The following EPHA5 variants were observed in gnomAD, a reference collection of about 807,000 sequenced individuals.
EPHA5 encodes the protein ephrin type-A receptor 5.
Under a neutral mutation model 105.0 loss-of-function variants are expected in EPHA5, and 60 were observed. That is an observed-to-expected ratio of 0.57 (90% CI 0.46 to 0.71). The LOEUF is 0.71. EPHA5 is among the 30% of genes least tolerant of loss of function. The pLI is 0.00. For synonymous variants in EPHA5, 513 were observed against 449.1 expected (o/e 1.14, Z -1.80); for missense variants, 1,218 against 1,274.7 (o/e 0.96, Z 0.68).
intron 1 of EPHA5, among the ~76,000 whole-genome samples, chr4:65,662,999 T>G (rs1181478916): frequency 6.6e-6 from 1 of 152,152 alleles, no homozygotes; most frequent in South Asian, 2.1e-4. Context: ...GTTCTACTTT[T>G]GTTTGACAAA....
rs564996403 is a variant in EPHA5 at position 65,470,655 on chromosome 4, G to A, written c.1402+19722C>T. On this transcript the variant is annotated intron_variant, in intron 5 of 16. Transcript: ENST00000613740. ...AAAGTAATGGTAAGGCAGAAATAAT[G>A]ATGAAGCAAGATAAGATAATGAAAA... 5.3e-5 allele frequency among the ~76,000 whole-genome samples: 8 copies of A among 152,304 alleles called. No individual in the cohort carries two copies. In the East Asian group the frequency reaches 1.5e-3, roughly 29 times the overall value.
At chr4:65,414,686 G>A (rs1168966538) in intron 6 of EPHA5, among the ~76,000 whole-genome samples, 1 of 152,058 alleles carries the variant, frequency 6.6e-6, no homozygotes, top group Non-Finnish European at 1.5e-5. Context: ...ACATGTCTTC[G>A]GCAGTAATAA....
chr4:65,510,211 T>G (rs1202095024), intron 3 of EPHA5, among the ~76,000 whole-genome samples: 7 of 150,148 alleles, frequency 4.7e-5, no homozygotes, highest in African/African-American at 1.7e-4. Flanking sequence ...ATTTTGTGTT[T>G]TTTTTTTTTT....
chr4:65,331,222 A>C, intron 16 of EPHA5: 1 of 1,029,328 alleles, frequency 9.7e-7, no homozygotes. Flanking sequence ...AGATGGAACC[A>C]CCATAAAGAC....
At chr4:65,651,039 CA>C (rs1748564615) in intron 1 of EPHA5, among the ~76,000 whole-genome samples, 2 of 152,204 alleles carry the variant, frequency 1.3e-5, no homozygotes, top group South Asian at 4.1e-4. Flanking sequence ...CAGTTCTCTC[CA>C]GTGATCTGTG....
chr4:65,521,138 A>G (rs997393682), intron 3 of EPHA5, among the ~76,000 whole-genome samples: 4 of 152,186 alleles, frequency 2.6e-5, no homozygotes, highest in South Asian at 2.1e-4. Context: ...ATGTCCATCA[A>G]TGATAGGCTG....
intron 3 of EPHA5, among the ~76,000 whole-genome samples, chr4:65,560,328 G>A (rs2149355981): frequency 6.6e-6 from 1 of 152,096 alleles, no homozygotes; most frequent in Non-Finnish European, 1.5e-5. Context: ...ATTTAGTATT[G>A]TAATTTTCTG....
intron 11 of EPHA5, among the ~76,000 whole-genome samples, chr4:65,356,774 A>G (rs1032984139): frequency 1.3e-4 from 19 of 151,538 alleles, no homozygotes; most frequent in African/African-American, 4.6e-4. Flanking sequence ...AGTCATTTTA[A>G]TGCTAATTAC....
chr4:65,609,928 T>C (rs950387417), intron 2 of EPHA5, among the ~76,000 whole-genome samples: 1 of 152,118 alleles, frequency 6.6e-6, no homozygotes, highest in Non-Finnish European at 1.5e-5. Flanking sequence ...TTATTGCTAT[T>C]CTACTTTTAA....
chr4:65,445,581 G>A (rs1726441168), intron 5 of EPHA5, among the ~76,000 whole-genome samples: 1 of 152,022 alleles, frequency 6.6e-6, no homozygotes, highest in Admixed American at 6.6e-5. Context: ...TAATATCTGT[G>A]TACTCCAGCC....
At chr4:65,427,784 T>C (rs1156685763) in intron 5 of EPHA5, among the ~76,000 whole-genome samples, 1 of 152,188 alleles carries the variant, frequency 6.6e-6, no homozygotes, top group African/African-American at 2.4e-5. Context: ...GTATTGGCAT[T>C]AGCATAGTGA....
At position 65,377,022 on chromosome 4, in the gene EPHA5, G is replaced by A. The variant is rs761781339; in HGVS notation, c.1794-9598C>T. 3.1e-6 allele frequency: 5 copies of A among 1,609,274 alleles called. No individual in the cohort carries two copies. The Admixed American group carries it at 8.4e-5, about 27-fold the overall frequency. ...CCATATTAGGCTTGGATGGGCAACA[G>A]CGCACAGGGAAGAAGCCCTCCCACA... On this transcript the variant is annotated intron_variant, in intron 8 of 16. Coordinates refer to ENST00000613740, the MANE Select transcript of EPHA5 (RefSeq NM_001281766.3).
Position 65,573,854 on chromosome 4 carries a change from A to T in EPHA5, c.910+27787T>A, listed in dbSNP as rs529047479. On this transcript the variant is annotated intron_variant, in intron 3 of 16. Transcript: ENST00000613740. ...AGCTGTTGAGCCACGGCAAAAAAAA[A>T]CCCTTCAGTCAGCACGTGAGAAAAC... 1.2e-5 allele frequency: 19 copies of T among 1,612,884 alleles called. No homozygotes were observed. The African/African-American group carries it at 2.5e-4, about 22-fold the overall frequency.
chr4:65,569,478 A>T (rs1267337042), intron 3 of EPHA5, among the ~76,000 whole-genome samples: 1 of 151,728 alleles, frequency 6.6e-6, no homozygotes, highest in Admixed American at 6.6e-5. Context: ...TAATTAAAAT[A>T]ATGTTTTATT....
At chr4:65,574,377 A>G in intron 3 of EPHA5, 4 of 845,618 alleles carry the variant, frequency 4.7e-6, no homozygotes, top group Non-Finnish European at 6.4e-6. Context: ...AAAAATAATA[A>G]TAATAAAAAA....
intron 5 of EPHA5, among the ~76,000 whole-genome samples, chr4:65,436,707 A>G (rs1725513203): frequency 6.6e-6 from 1 of 152,028 alleles, no homozygotes; most frequent in Admixed American, 6.6e-5. Context: ...TTAAATCACC[A>G]TAAGATCAAA....
At chr4:65,503,489 G>C (rs1021267401) in intron 3 of EPHA5, among the ~76,000 whole-genome samples, 2 of 151,530 alleles carry the variant, frequency 1.3e-5, no homozygotes, top group Admixed American at 6.6e-5. Context: ...AAAACAATAA[G>C]GCTAATTGTA....
chr4:65,528,643 G>T (rs1176608071), intron 3 of EPHA5, among the ~76,000 whole-genome samples: 2 of 152,154 alleles, frequency 1.3e-5, no homozygotes, highest in Non-Finnish European at 2.9e-5. Context: ...CAAATAGGTA[G>T]AGTTGAGATT....
chr4:65,490,348 T>G, intron 5 of EPHA5, 29 bp downstream of exon 5: 1 of 1,593,704 alleles, frequency 6.3e-7, no homozygotes, highest in Non-Finnish European at 8.6e-7. Flanking sequence ...AGGCCTCACA[T>G]ACACAATTGG....
Sources: gnomAD v4.1 joint callset for allele counts (sites outside exome capture counted in the v4.1 genomes callset) on GRCh38, gnomAD v4.1.1 for gene constraint, MANE v1.5 for transcripts, NCBI Gene and HGNC (gene_info 2026-07-23, HGNC 2026-07-21) for gene names.